The following ANKFN1 variants were observed in gnomAD, a reference collection of about 807,000 sequenced individuals.
ANKFN1 encodes the protein ankyrin repeat and fibronectin type-III domain-containing protein 1.
In ANKFN1, 74 loss-of-function variants were observed where a neutral mutation model predicts 108.7. The ratio of observed to expected loss-of-function variants is 0.68; its 90% CI spans 0.56 to 0.83. The LOEUF (loss-of-function observed/expected upper bound fraction) is 0.83, where lower values mean the gene tolerates loss of function less well. Among genes scored for constraint, ANKFN1 ranks in the 40% least tolerant of loss-of-function variants. The pLI is 0.00. For synonymous variants in ANKFN1, 547 were observed against 516.2 expected, an observed-to-expected ratio of 1.06 and a Z score of -0.81; for missense variants, 1,505 against 1,382.3, an observed-to-expected ratio of 1.09 and a Z score of -1.41.
intron 8 of ANKFN1, among the ~76,000 whole-genome samples, chr17:56,395,367 A>G (rs945917984): frequency 4.6e-5 from 7 of 152,184 alleles, no homozygotes; most frequent in Admixed American, 1.3e-4. Flanking sequence ...AACCACAGCC[A>G]TACGGAGGCA....
At chr17:56,406,000 AACCAT>A (rs770809458) in intron 8 of ANKFN1, among the ~76,000 whole-genome samples, 51 of 152,304 alleles carry the variant, frequency 3.3e-4, no homozygotes, top group Middle Eastern at 3.4e-3. Context: ...TTGGTTTTTT[AACCAT>A]GTAGATCTGT....
At chr17:56,363,533 A>T (rs1284463832) in intron 6 of ANKFN1, among the ~76,000 whole-genome samples, 1 of 152,204 alleles carries the variant, frequency 6.6e-6, no homozygotes, top group Non-Finnish European at 1.5e-5. Flanking sequence ...AAAACTAAAC[A>T]CAGAATTACC....
intron 11 of ANKFN1, 113 bp downstream of exon 11, chr17:56,449,299 AT>A: frequency 5.9e-6 from 4 of 680,788 alleles, no homozygotes; most frequent in Non-Finnish European, 2.4e-6. Context: ...AGAGATATTA[AT>A]ATTTGTACAT....
At chr17:56,386,186 C>T (rs7217569) in intron 8 of ANKFN1, among the ~76,000 whole-genome samples, 86,926 of 150,408 alleles carry the variant, frequency 0.58, 28,322 homozygotes, top group East Asian at 0.96. Context: ...ATGGATGAAA[C>T]TGGAAATCAT....
chr17:56,370,689 C>A (rs1288905579), intron 6 of ANKFN1, among the ~76,000 whole-genome samples: 1 of 152,120 alleles, frequency 6.6e-6, no homozygotes, highest in Non-Finnish European at 1.5e-5. Context: ...TGACGCCTAA[C>A]CTATGTCTAA....
intron 4 of ANKFN1, among the ~76,000 whole-genome samples, chr17:56,143,246 G>A (rs1215779262): frequency 6.6e-6 from 1 of 152,156 alleles, no homozygotes; most frequent in African/African-American, 2.4e-5. Context: ...TTTCTTGTCA[G>A]GTATCAAAGG....
intron 3 of ANKFN1, among the ~76,000 whole-genome samples, chr17:56,238,853 A>G (rs1298902335): frequency 6.6e-6 from 1 of 152,206 alleles, no homozygotes; most frequent in East Asian, 1.9e-4. Context: ...CAAATCTAGC[A>G]TAACACTGGT....
intron 6 of ANKFN1, among the ~76,000 whole-genome samples, chr17:56,363,513 G>A (rs1260872867): frequency 3.3e-5 from 5 of 152,150 alleles, no homozygotes; most frequent in Non-Finnish European, 5.9e-5. Flanking sequence ...ACTAAGTGGA[G>A]TTTCCTCGAA....
chr17:56,140,182 G>A (rs1328013889), intron 4 of ANKFN1, among the ~76,000 whole-genome samples: 2 of 152,118 alleles, frequency 1.3e-5, no homozygotes, highest in Non-Finnish European at 2.9e-5. Flanking sequence ...TGGCACTGCT[G>A]TTTCCTAGGT....
rs1461665299 is a variant in ANKFN1, at chr17:56,517,001, C to A, written c.*5732C>A. 1.3e-5 allele frequency among the ~76,000 whole-genome samples: 2 copies of A among 151,996 alleles called. No homozygotes were observed. The highest frequency in any genetic ancestry group is 6.6e-5 in the Admixed American group (1 of 15,246). On this transcript the variant is annotated 3_prime_UTR_variant, in exon 21 of 21. Coordinates refer to ENST00000682825, the MANE Select transcript of ANKFN1 (RefSeq NM_001370326.1). ...GGAAAAATGTTGATTCAATAATAAA[C>A]AAATAGAATTCTTAATACTTGGCTT...
chr17:56,480,926 T>C, intron 17 of ANKFN1, 108 bp downstream of exon 17: 1 of 1,223,344 alleles, frequency 8.2e-7, no homozygotes, highest in East Asian at 2.4e-5. Flanking sequence ...TGTGTGTAAA[T>C]TTTCCTTTAC....
At chr17:56,105,655 T>TGG (rs1905733499) in intron 4 of ANKFN1, among the ~76,000 whole-genome samples, 1 of 151,842 alleles carries the variant, frequency 6.6e-6, no homozygotes, top group Admixed American at 6.6e-5. Flanking sequence ...GTCTCCTTCT[T>TGG]GGGGTTTATT....
At chr17:56,047,675 C>T (rs1490259938) in intron 4 of ANKFN1, among the ~76,000 whole-genome samples, 2 of 152,152 alleles carry the variant, frequency 1.3e-5, no homozygotes, top group East Asian at 3.9e-4. Context: ...CCCCTCCCTG[C>T]CCCCACCATG....
chr17:56,133,784 G>A (rs528292238), intron 4 of ANKFN1, among the ~76,000 whole-genome samples: 34 of 146,058 alleles, frequency 2.3e-4, no homozygotes, highest in African/African-American at 6.9e-4. Flanking sequence ...TAAATCCAAA[G>A]TGTTTTTTTT....
intron 1 of ANKFN1, chr17:56,174,521 C>A: frequency 1.6e-6 from 1 of 621,976 alleles, no homozygotes; most frequent in African/African-American, 2.0e-5. Flanking sequence ...GCCTTTGGGA[C>A]AGCCTCTCCC....
At chr17:56,496,123 C>G (rs1047946676) in intron 19 of ANKFN1, among the ~76,000 whole-genome samples, 1 of 152,064 alleles carries the variant, frequency 6.6e-6, no homozygotes, top group African/African-American at 2.4e-5. Context: ...TCTTTTGGAG[C>G]AATTAGCTAA....
intron 3 of ANKFN1, among the ~76,000 whole-genome samples, chr17:56,246,149 A>C (rs1372973860): frequency 2.6e-5 from 4 of 152,162 alleles, no homozygotes; most frequent in Non-Finnish European, 5.9e-5. Flanking sequence ...TCCAAACTGC[A>C]ACCGAAATAT....
intron 4 of ANKFN1, among the ~76,000 whole-genome samples, chr17:56,341,031 C>G (rs193236020): frequency 5.9e-5 from 9 of 152,032 alleles, no homozygotes; most frequent in African/African-American, 1.9e-4. Context: ...CCCTAGTTAG[C>G]AGAATTCCTA....
chr17:56,448,754 A>T (rs1357830193), intron 10 of ANKFN1, among the ~76,000 whole-genome samples: 1 of 152,158 alleles, frequency 6.6e-6, no homozygotes, highest in Non-Finnish European at 1.5e-5. Context: ...ACTGGTTAGG[A>T]TGTAGAAGGC....
Sources: allele counts gnomAD v4.1 joint callset (sites outside exome capture counted in the v4.1 genomes callset), GRCh38; gene constraint gnomAD v4.1.1; transcripts MANE v1.5; gene names NCBI Gene and HGNC (gene_info 2026-07-23, HGNC 2026-07-21).